The following RTN1 variants were observed in gnomAD, a reference collection of about 807,000 sequenced individuals.
The protein encoded by RTN1 is reticulon 1, also known as reticulon-1.
A neutral mutation model predicts 65.5 loss-of-function variants in RTN1; 25 were observed. The ratio of observed to expected loss-of-function variants is 0.38; its 90% CI spans 0.28 to 0.53. The LOEUF (loss-of-function observed/expected upper bound fraction) is 0.53. RTN1 is among the 20% of genes least tolerant of loss of function. The probability of loss-of-function intolerance (pLI) is 0.79; values close to 1 mark genes in which losing one functional copy is unlikely to be tolerated. For missense variants in RTN1, 983 were observed against 1,025.4 expected (o/e 0.96, Z 0.57); for synonymous variants, 471 against 447.6 (o/e 1.05, Z -0.66).
chr14:59,599,272 TTAA>T (rs1295247281), intron 8 of RTN1, among the ~76,000 whole-genome samples: 1 of 152,236 alleles, frequency 6.6e-6, no homozygotes, highest in Non-Finnish European at 1.5e-5. Context: ...ACTTTCCTTA[TTAA>T]TTTCATTTTA....
At chr14:59,644,969 G>A (rs1882858717) in intron 3 of RTN1, among the ~76,000 whole-genome samples, 1 of 151,738 alleles carries the variant, frequency 6.6e-6, no homozygotes, top group Admixed American at 6.6e-5. Flanking sequence ...GGGAGGACAG[G>A]CCACCATCTT....
intron 3 of RTN1, chr14:59,647,077 C>T (rs1219827232): frequency 6.6e-6 from 1 of 152,550 alleles, no homozygotes; most frequent in Non-Finnish European, 1.5e-5. Flanking sequence ...CATGCAGTGA[C>T]ATCCATATGC....
intron 1 of RTN1, among the ~76,000 whole-genome samples, chr14:59,862,159 T>C (rs936631556): frequency 4.6e-5 from 7 of 152,212 alleles, no homozygotes; most frequent in African/African-American, 1.4e-4. Flanking sequence ...TAAATAGAAT[T>C]TTCAGAACTT....
In RTN1 at chr14:59,714,529, G is replaced by C. The variant is rs545133116; in HGVS notation, c.1765+12390C>G. 1.3e-3 allele frequency among the ~76,000 whole-genome samples: 193 copies of C among 152,214 alleles called. 1 individual carries two copies. The highest frequency in any genetic ancestry group is 2.0e-3 in the Non-Finnish European group (136 of 68,000). ...TCTCCTTTGCCATCCCCTTGGTCTA[G>C]AGCCTTGAAGGAGGAAAAGGCACAA... is the stretch of plus-strand genomic sequence containing the variant. On this transcript the variant is annotated intron_variant, in intron 3 of 8. Coordinates refer to ENST00000267484, the MANE Select transcript of RTN1 (RefSeq NM_021136.3).
intron 1 of RTN1, among the ~76,000 whole-genome samples, chr14:59,796,998 C>T (rs564154137): frequency 6.6e-6 from 1 of 152,234 alleles, no homozygotes; most frequent in East Asian, 1.9e-4. Context: ...TATATGAACT[C>T]AATTGCAAAT....
chr14:59,724,114 CT>C (rs1262539913), intron 3 of RTN1, among the ~76,000 whole-genome samples: 1 of 151,902 alleles, frequency 6.6e-6, no homozygotes, highest in Admixed American at 6.5e-5. Context: ...ACAGGTCATC[CT>C]AGAAGGTGTA....
intron 1 of RTN1, among the ~76,000 whole-genome samples, chr14:59,779,387 G>A (rs549991420): frequency 1.3e-5 from 2 of 152,114 alleles, no homozygotes; most frequent in South Asian, 4.2e-4. Flanking sequence ...CTCTAAATAT[G>A]CTCACTGGGA....
At chr14:59,618,756 T>G (rs1023035679) in intron 3 of RTN1, among the ~76,000 whole-genome samples, 3 of 152,224 alleles carry the variant, frequency 2.0e-5, no homozygotes, top group African/African-American at 7.2e-5. Flanking sequence ...TTATGTAAAA[T>G]TAGTTTAGGG....
chr14:59,677,218 A>G (rs1186240775), intron 3 of RTN1, among the ~76,000 whole-genome samples: 3 of 152,220 alleles, frequency 2.0e-5, no homozygotes, highest in Non-Finnish European at 4.4e-5. Context: ...ATGTTGATGC[A>G]ATACATTCAC....
At position 59,816,547 on chromosome 14, in the gene RTN1, G is replaced by A. The variant is rs1034503892; in HGVS notation, c.241+53843C>T. 5.9e-5 allele frequency among the ~76,000 whole-genome samples: 9 copies of A among 152,162 alleles called. No homozygotes were observed. The highest frequency in any genetic ancestry group is 1.7e-4 in the African/African-American group (7 of 41,440). ...ACATAGAAATGAGTTTTGAGATGGA[G>A]GATTCAAACCAGGAAATCAGGCTGT... On this transcript the variant is annotated intron_variant, in intron 1 of 8. Coordinates refer to ENST00000267484, the MANE Select transcript of RTN1 (RefSeq NM_021136.3). This position sits in a 1 kb window ranked among gnomAD's most constrained non-coding sequence, Gnocchi z 4.3.
intron 1 of RTN1, among the ~76,000 whole-genome samples, chr14:59,749,218 ATC>A (rs1885313447): frequency 8.2e-5 from 7 of 84,886 alleles, no homozygotes; most frequent in African/African-American, 6.3e-4. Context: ...ATCTATATAT[ATC>A]TATATATCTA....
chr14:59,655,325 TGA>T (rs1004188755), intron 3 of RTN1, among the ~76,000 whole-genome samples: 2 of 152,198 alleles, frequency 1.3e-5, no homozygotes, highest in African/African-American at 4.8e-5. Flanking sequence ...TTAAATGAAA[TGA>T]CTTTTTTTGT....
At chr14:59,701,546 T>C (rs188413379) in intron 3 of RTN1, among the ~76,000 whole-genome samples, 37 of 152,308 alleles carry the variant, frequency 2.4e-4, no homozygotes, top group Middle Eastern at 3.4e-3. Context: ...GAAAATATTA[T>C]ATTATGCTAA....
chr14:59,804,276 T>G (rs1290235349), intron 1 of RTN1, among the ~76,000 whole-genome samples: 1 of 152,166 alleles, frequency 6.6e-6, no homozygotes, highest in Admixed American at 6.5e-5. Context: ...ATTGTGTTTT[T>G]TTCCTCATCA....
rs1887835681 is a variant in RTN1 at position 59,868,478 on chromosome 14, T to C, written c.241+1912A>G. On this transcript the variant is annotated intron_variant, in intron 1 of 8. Coordinates refer to ENST00000267484, the MANE Select transcript of RTN1 (RefSeq NM_021136.3). This position sits in a 1 kb window ranked among gnomAD's most constrained non-coding sequence, Gnocchi z 4.0. ...AATACTAAAAATGCAAAATGCATTG[T>C]TATTTACTACAGCCACCTTTCTGTA... Among the ~76,000 whole-genome samples the C allele has an allele frequency of 6.6e-6, 1 of 152,192 alleles. No homozygotes were observed. Among genetic ancestry groups the C allele is most frequent in the African/African-American group, 2.4e-5 (1 of 41,436 alleles).
intron 3 of RTN1, among the ~76,000 whole-genome samples, chr14:59,644,677 G>C (rs1162374178): frequency 6.6e-6 from 1 of 152,212 alleles, no homozygotes; most frequent in African/African-American, 2.4e-5. Context: ...GAGACCCACT[G>C]GTTTGGAAGT....
intron 3 of RTN1, among the ~76,000 whole-genome samples, chr14:59,660,208 C>T (rs1335048979): frequency 1.3e-5 from 2 of 152,154 alleles, no homozygotes; most frequent in Non-Finnish European, 2.9e-5. Context: ...AATATATATG[C>T]ACCCAATACA....
At chr14:59,865,102 T>G (rs1013244220) in intron 1 of RTN1, among the ~76,000 whole-genome samples, 2 of 152,166 alleles carry the variant, frequency 1.3e-5, no homozygotes, top group African/African-American at 4.8e-5. Context: ...GTACAGGCAT[T>G]ATTTTTTAGT....
chr14:59,693,486 G>C (rs537779809), intron 3 of RTN1, among the ~76,000 whole-genome samples: 1 of 152,164 alleles, frequency 6.6e-6, no homozygotes, highest in South Asian at 2.1e-4. Context: ...TCAATTTGTA[G>C]TCTTTTATCC....
Sources: allele counts gnomAD v4.1 joint callset (sites outside exome capture counted in the v4.1 genomes callset), GRCh38; gene constraint gnomAD v4.1.1; non-coding constraint Gnocchi (gnomAD v3.1); transcripts MANE v1.5; gene names NCBI Gene and HGNC (gene_info 2026-07-23, HGNC 2026-07-21).